BTBD9: variants seen among roughly 807,000 people sequenced by gnomAD.
BTBD9 encodes BTB/POZ domain-containing protein 9.
A neutral mutation model predicts 64.3 loss-of-function variants in BTBD9; 49 were observed. The ratio of observed to expected loss-of-function variants is 0.76; its 90% confidence interval spans 0.61 to 0.97. The LOEUF (loss-of-function observed/expected upper bound fraction) is 0.97, where lower values mean the gene tolerates loss of function less well. Among genes scored for constraint, BTBD9 ranks in the 50% least tolerant of loss-of-function variants. The pLI is 0.00. For synonymous variants in BTBD9, 260 were observed against 274.7 expected (o/e 0.95, Z 0.53); for missense variants, 598 against 762.1 (o/e 0.78, Z 2.53).
At chr6:38,331,768 A>G (rs190737603) in intron 7 of BTBD9, among the ~76,000 whole-genome samples, 36 of 152,200 alleles carry the variant, frequency 2.4e-4, no homozygotes, top group Non-Finnish European at 4.3e-4. Flanking sequence ...CTGAGGCAGG[A>G]GGATCATTTG....
chr6:38,292,546 G>A (rs1444395385), intron 7 of BTBD9, among the ~76,000 whole-genome samples: 3 of 152,120 alleles, frequency 2.0e-5, no homozygotes, highest in African/African-American at 7.2e-5. Flanking sequence ...TTAGTCTTGG[G>A]AGGGTGTATG....
chr6:38,465,617 G>A (rs1025663251), intron 6 of BTBD9, among the ~76,000 whole-genome samples: 2 of 147,448 alleles, frequency 1.4e-5, no homozygotes, highest in Admixed American at 6.8e-5. Context: ...AATCTGGGAG[G>A]TGGAGCTTGC....
chr6:38,183,386 G>A (rs1761665881), intron 10 of BTBD9, among the ~76,000 whole-genome samples: 1 of 152,198 alleles, frequency 6.6e-6, no homozygotes, highest in Admixed American at 6.5e-5. Flanking sequence ...TTATTTCAAA[G>A]GCAAGTGTCC....
intron 6 of BTBD9, among the ~76,000 whole-genome samples, chr6:38,408,618 G>GAA: frequency 6.6e-6 from 1 of 152,198 alleles, no homozygotes; most frequent in East Asian, 1.9e-4. Context: ...GGCTTAACAA[G>GAA]AAAAATCCCT....
intron 6 of BTBD9, among the ~76,000 whole-genome samples, chr6:38,407,839 A>C (rs1767237519): frequency 1.3e-5 from 2 of 152,216 alleles, no homozygotes; most frequent in Non-Finnish European, 1.5e-5. Context: ...AAGACTAACA[A>C]AATCCATCAT....
In BTBD9 at chr6:38,302,485, G is replaced by GTATGTGTGTGTGTGTATA. The variant is rs1384155514; in HGVS notation, c.1265-14025_1265-14024insTATACACACACACACATA. 9.7e-4 allele frequency among the ~76,000 whole-genome samples: 104 copies of GTATGTGTGTGTGTGTATA among 106,878 alleles called. 1 individual carries two copies. The highest frequency in any genetic ancestry group is 3.2e-3 in the African/African-American group (90 of 28,222). 70.1% of individuals were successfully genotyped at this position (106,878 alleles called of 152,430 possible). A position where few individuals can be genotyped will look rare whatever the true frequency, so the allele number is the denominator to read the frequency against. ...CTGAATAATATTCCATTGTGTGTAT[G>GTATGTGTGTGTGTGTATA]TATATATATATATATATATATATAT... is the stretch of plus-strand genomic sequence containing the variant. On this transcript the variant is annotated intron_variant, in intron 7 of 10. Transcript: ENST00000481247.
At chr6:38,443,255 C>T (rs1379815779) in intron 6 of BTBD9, among the ~76,000 whole-genome samples, 5 of 152,192 alleles carry the variant, frequency 3.3e-5, no homozygotes, top group African/African-American at 7.2e-5. Flanking sequence ...CAAATGTCCT[C>T]TGAAGCCAAT....
intron 10 of BTBD9, 97 bp downstream of exon 10, chr6:38,192,422 T>C: frequency 2.7e-6 from 3 of 1,115,252 alleles, no homozygotes; most frequent in East Asian, 2.4e-5. Context: ...AGCAGGCCAT[T>C]AGCAGGCAGA....
intron 4 of BTBD9, among the ~76,000 whole-genome samples, chr6:38,588,938 AG>A (rs1166559035): frequency 1.3e-5 from 2 of 152,228 alleles, no homozygotes; most frequent in Admixed American, 6.5e-5. Context: ...AGATTAATAA[AG>A]ATGATTGAAT....
intron 6 of BTBD9, among the ~76,000 whole-genome samples, chr6:38,539,978 A>G (rs558315406): frequency 2.6e-5 from 4 of 152,300 alleles, no homozygotes; most frequent in African/African-American, 9.6e-5. Flanking sequence ...GGTTTCTCAG[A>G]GGGCAGGGAT....
intron 10 of BTBD9, among the ~76,000 whole-genome samples, chr6:38,191,381 A>G (rs1762064907): frequency 6.6e-6 from 1 of 152,158 alleles, no homozygotes; most frequent in African/African-American, 2.4e-5. Flanking sequence ...CACAGGGCCC[A>G]TTTGCTGGAT....
chr6:38,184,510 C>T lies in BTBD9; in HGVS notation c.1641+8009G>A, dbSNP rs1019234760. ...GGCTGGAACTGGTGCTCTCTGCAGA[C>T]CAGGAGCTTTTGCAAGGAGAGGGCT... On this transcript the variant is annotated intron_variant, in intron 10 of 10. Coordinates refer to ENST00000481247, the MANE Select transcript of BTBD9 (RefSeq NM_001099272.2). The surrounding 1 kb of genome is among the most constrained non-coding windows in gnomAD (Gnocchi z 4.4). 2.6e-5 allele frequency among the ~76,000 whole-genome samples: 4 copies of T among 152,108 alleles called. No individual in the cohort carries two copies. Among genetic ancestry groups the T allele is most frequent in the Non-Finnish European group, 5.9e-5 (4 of 68,016 alleles).
chr6:38,439,931 G>T (rs771821533), intron 6 of BTBD9, among the ~76,000 whole-genome samples: 10 of 152,132 alleles, frequency 6.6e-5, no homozygotes, highest in Non-Finnish European at 1.5e-4. Context: ...CAGAATGATG[G>T]CCTAAGCAAA....
At chr6:38,261,324 A>G (rs1382784916) in intron 8 of BTBD9, among the ~76,000 whole-genome samples, 1 of 152,190 alleles carries the variant, frequency 6.6e-6, no homozygotes, top group East Asian at 1.9e-4. Flanking sequence ...GGCATATAAC[A>G]TCTTGAGGCT....
intron 4 of BTBD9, among the ~76,000 whole-genome samples, chr6:38,590,962 CT>C (rs1776767250): frequency 6.6e-6 from 1 of 152,120 alleles, no homozygotes; most frequent in Non-Finnish European, 1.5e-5. Flanking sequence ...TCCATTTTCC[CT>C]GCCACCAATC....
In BTBD9 at chr6:38,516,552, G is replaced by A. The variant is rs564627861; in HGVS notation, c.1154+61048C>T. On this transcript the variant is annotated intron_variant, in intron 6 of 10. Transcript: ENST00000481247. ...TGCACTGCCCAGTGTAGGCAATTCA[G>A]AACGGGTCAAGAGCATTCAGTAGGT... Among the ~76,000 whole-genome samples the A allele has an allele frequency of 2.2e-3, 341 of 152,320 alleles. 1 individual carries two copies. Among genetic ancestry groups the A allele is most frequent in the Non-Finnish European group, 4.3e-3 (292 of 68,028 alleles).
chr6:38,205,876 T>C (rs1271493507), intron 9 of BTBD9, among the ~76,000 whole-genome samples: 1 of 9,080 alleles, frequency 1.1e-4, no homozygotes, highest in Non-Finnish European at 2.2e-4. Context: ...CAGGAGTCTG[T>C]CTCAAAAAAA....
At chr6:38,410,434 C>T (rs527462393) in intron 6 of BTBD9, among the ~76,000 whole-genome samples, 13 of 152,154 alleles carry the variant, frequency 8.5e-5, no homozygotes, top group Admixed American at 5.9e-4. Context: ...GACCACACTA[C>T]TGCACTCAAG....
At chr6:38,334,104 G>A (rs1763788200) in intron 7 of BTBD9, among the ~76,000 whole-genome samples, 1 of 152,218 alleles carries the variant, frequency 6.6e-6, no homozygotes, top group Admixed American at 6.5e-5. Flanking sequence ...TGGCAGCACT[G>A]TGCCCCCTGC....
Sources: allele counts gnomAD v4.1 joint callset (sites outside exome capture counted in the v4.1 genomes callset), GRCh38; gene constraint gnomAD v4.1.1; non-coding constraint Gnocchi (gnomAD v3.1); transcripts MANE v1.5; gene names NCBI Gene and HGNC (gene_info 2026-07-23, HGNC 2026-07-21).